WDR6: variants seen among roughly 807,000 people sequenced by gnomAD.
WDR6 encodes the protein tRNA (34-2'-O)-methyltransferase regulator WDR6.
A neutral mutation model predicts 85.6 loss-of-function variants in WDR6; 58 were observed. The observed-to-expected ratio is 0.68, with a 90% CI of 0.55 to 0.84. WDR6 has a LOEUF of 0.84. Ranked by LOEUF, WDR6 falls within the 40% of genes least tolerant of loss-of-function variation. The pLI is 0.00. For synonymous variants in WDR6, 569 were observed against 582.2 expected, an observed-to-expected ratio of 0.98 and a Z score of 0.33; for missense variants, 1,310 against 1,476.4, an observed-to-expected ratio of 0.89 and a Z score of 1.85.
At chr3:49,009,483 C>A (rs561214506) in intron 1 of WDR6, among the ~76,000 whole-genome samples, 1 of 152,148 alleles carries the variant, frequency 6.6e-6, no homozygotes, top group African/African-American at 2.4e-5. Flanking sequence ...AATCTTGCCT[C>A]GATTGACCTT....
At position 49,013,883 on chromosome 3, in the gene WDR6, G is replaced by C; in HGVS notation, c.2349G>C (p.Trp783Cys). 6.2e-7 allele frequency: 1 copy of C among 1,613,974 alleles called. No homozygotes were observed. Among genetic ancestry groups the C allele is most frequent in the Admixed American group, 1.7e-5 (1 of 60,020 alleles). Residue 783 changes from tryptophan (W) to cysteine (C), a missense_variant, in exon 2 of 6, where the codon TGG (tryptophan) becomes TGC (cysteine). Trp to Cys is a radical substitution (Grantham distance 215). Transcript: ENST00000608424. The surrounding 1 kb of genome is among the most constrained non-coding windows in gnomAD (Gnocchi z 4.6). ...HISSVRAVAVWGIGTPGGPQD... is the reference protein window; with the variant it reads ...HISSVRAVAVCGIGTPGGPQD... Reference sequence around the variant, plus strand: ...CCTCGGTACGTGCTGTGGCTGTGTGGGGCATTGGCACCCCAGGTGGCCCTC... The same window carrying C: ...CCTCGGTACGTGCTGTGGCTGTGTGCGGCATTGGCACCCCAGGTGGCCCTC...
Position 49,013,398 on chromosome 3 carries a change from G to C in WDR6, c.1864G>C (p.Val622Leu). 1.2e-6 allele frequency: 2 copies of C among 1,614,180 alleles called. No individual in the cohort carries two copies. The highest frequency in any genetic ancestry group is 1.7e-6 in the Non-Finnish European group (2 of 1,180,018). ...GAACTGGCTAGCTGGGCTCCGTATA[G>C]TGCCCGATGGGAGCATGGTTATCCT... ...GMNWLAGLRIVPDGSMVILGF... is the reference protein window; with the variant it reads ...GMNWLAGLRILPDGSMVILGF... Residue 622 changes from valine to leucine, a missense_variant, in exon 2 of 6, where the codon GTG becomes CTG. Transcript: ENST00000608424. This position sits in a 1 kb window ranked among gnomAD's most constrained non-coding sequence, Gnocchi z 4.6.
At position 49,012,625 on chromosome 3, in the gene WDR6, C is replaced by T. The variant is rs924551450; in HGVS notation, c.1091C>T (p.Ala364Val). ...VTLAGSWRLL[A>V]VTDTGALYLY... The stretch of plus-strand genomic sequence containing the variant: ...CTGGCTGGCTCTTGGCGACTGCTGG[C>T]AGTGACTGATACAGGGGCCCTGTAT... The change falls in exon 2 of 6, where the codon GCA becomes GTA. Residue 364 changes from alanine (A) to valine (V), a missense_variant. Ala to Val is a moderately conservative substitution (Grantham distance 64). Transcript: ENST00000608424. This position sits in a 1 kb window ranked among gnomAD's most constrained non-coding sequence, Gnocchi z 4.4. 2 of 1,614,082 alleles carry T rather than the reference C, an allele frequency of 1.2e-6. No individual in the cohort carries two copies. Among genetic ancestry groups the T allele is most frequent in the East Asian group, 2.2e-5 (1 of 44,874 alleles).
chr3:49,007,664 G>A lies in WDR6; in HGVS notation c.100+133G>A. On this transcript the variant is annotated intron_variant, in intron 1 of 5. Transcript: ENST00000608424. The surrounding 1 kb of genome is among the most constrained non-coding windows in gnomAD (Gnocchi z 5.1). The stretch of plus-strand genomic sequence containing the variant: ...GCAGGTTGAGGCCGATCGGAGGTGG[G>A]AAGGGAGCCCCGGAGATGGCGGGGA... 1 of 1,353,416 alleles carries A rather than the reference G, an allele frequency of 7.4e-7. No homozygotes were observed. Among genetic ancestry groups the A allele is most frequent in the Non-Finnish European group, 9.5e-7 (1 of 1,047,684 alleles). 83.8% of individuals were successfully genotyped at this position (1,353,416 alleles called of 1,614,324 possible).
intron 1 of WDR6, among the ~76,000 whole-genome samples, chr3:49,009,600 G>A (rs1480873506): frequency 1.3e-5 from 2 of 152,144 alleles, no homozygotes; most frequent in African/African-American, 2.4e-5. Flanking sequence ...ACAGCCGTAC[G>A]TGTCTCCAGC....
chr3:49,009,146 T>C (rs1383950846), intron 1 of WDR6: 1 of 152,206 alleles, frequency 6.6e-6, no homozygotes, highest in East Asian at 1.9e-4. Context: ...CCCCCCAAAT[T>C]GCTGGAATTA....
At position 49,011,860 on chromosome 3, in the gene WDR6, G is replaced by A. The variant is rs139152434; in HGVS notation, c.326G>A (p.Arg109His). ...CAGGGCCACTTCTGGGAGCTTTGGC[G>A]CTCTGGCCTGTGGAACATGTCTGAC... ...WGQGHFWELW[R>H]SGLWNMSDWI... is the part of the protein sequence containing the mutation. Residue 109 changes from arginine to histidine, a missense_variant, in exon 2 of 6, where the codon CGC (arginine) becomes CAC (histidine). Physicochemically the swap from Arg to His is conservative, Grantham distance 29 (BLOSUM62 0). Transcript: ENST00000608424. The A allele has an allele frequency of 1.2e-5, 20 of 1,614,124 alleles. No individual in the cohort carries two copies. Among genetic ancestry groups the A allele is most frequent in the African/African-American group, 4.0e-5 (3 of 74,946 alleles).
rs745955419 is a variant in WDR6, at chr3:49,011,729, C to T, written c.195C>T (p.Ile65=). 8 of 1,614,076 alleles carry T rather than the reference C, an allele frequency of 5.0e-6. No homozygotes were observed. The highest frequency in any genetic ancestry group is 5.9e-6 in the Non-Finnish European group (7 of 1,180,046). The change falls in exon 2 of 6, where the codon ATC becomes ATT. Residue 65 remains isoleucine (I), a synonymous_variant. Coordinates refer to ENST00000608424, the MANE Select transcript of WDR6 (RefSeq NM_018031.6). Reference sequence around the variant, plus strand: ...AGAACCTGCTTGGCCACTATCTTATCCATGGCTTCCGGGTACGGCCAGAGC... The same window carrying T: ...AGAACCTGCTTGGCCACTATCTTATTCATGGCTTCCGGGTACGGCCAGAGC... ...RVQNLLGHYL[I]HGFRVRPEPN...
In WDR6 at chr3:49,013,153, C is replaced by T. The variant is rs1251310902; in HGVS notation, c.1619C>T (p.Ala540Val). 3 of 1,609,100 alleles carry T rather than the reference C, an allele frequency of 1.9e-6. No homozygotes were observed. The highest frequency in any genetic ancestry group is 2.5e-6 in the Non-Finnish European group (3 of 1,176,824). ...VGGKARAGAG[A>V]PVVGSGSSGG... ...GGCAAGGCTCGGGCTGGTGCTGGGG[C>T]ACCTGTAGTGGGTAGTGGTAGTAGT... Residue 540 changes from alanine (A) to valine (V), a missense_variant, in exon 2 of 6, where the codon GCA becomes GTA. Coordinates refer to ENST00000608424, the MANE Select transcript of WDR6 (RefSeq NM_018031.6). The surrounding 1 kb of genome is among the most constrained non-coding windows in gnomAD (Gnocchi z 4.6).
At position 49,014,771 on chromosome 3, in the gene WDR6, C is replaced by G; in HGVS notation, c.2902+53C>G. The G allele has an allele frequency of 6.2e-7, 1 of 1,608,476 alleles. No individual in the cohort carries two copies. The stretch of plus-strand genomic sequence containing the variant: ...ACCCCTCCTCACCTGTCACATAGCC[C>G]TCACACATGTGGCAGGCGGGGCCCT... On this transcript the variant is annotated intron_variant, in intron 5 of 5. Coordinates refer to ENST00000608424, the MANE Select transcript of WDR6 (RefSeq NM_018031.6). This position sits in a 1 kb window ranked among gnomAD's most constrained non-coding sequence, Gnocchi z 4.9.
chr3:49,013,026 G>A lies in WDR6; in HGVS notation c.1492G>A (p.Ala498Thr). Residue 498 changes from alanine to threonine, a missense_variant, in exon 2 of 6, where the codon GCC becomes ACC. Transcript: ENST00000608424. The surrounding 1 kb of genome is among the most constrained non-coding windows in gnomAD (Gnocchi z 4.6). ...CAAGCAGAGATGGCACACATGCAGT[G>A]CCTTCCTACCCCCAGGTGACTTCCT... ...PSKQRWHTCSAFLPPGDFLVC... is the reference protein window; with the variant it reads ...PSKQRWHTCSTFLPPGDFLVC... The A allele has an allele frequency of 1.2e-6, 2 of 1,613,148 alleles. No individual in the cohort carries two copies. Among genetic ancestry groups the A allele is most frequent in the Non-Finnish European group, 1.7e-6 (2 of 1,179,406 alleles).
At chr3:49,011,281 G>A (rs1285662265) in intron 1 of WDR6, 1 of 438,942 alleles carries the variant, frequency 2.3e-6, no homozygotes, top group African/African-American at 2.1e-5. Flanking sequence ...TTTTCACCTT[G>A]TTGGCCAGGC....
Position 49,015,773 on chromosome 3 carries a change from C to T in WDR6, c.*485C>T, listed in dbSNP as rs1300370546. 3 of 1,613,996 alleles carry T rather than the reference C, an allele frequency of 1.9e-6. No individual in the cohort carries two copies. In the African/African-American group the frequency reaches 4.0e-5, roughly 22 times the overall value. On this transcript the variant is annotated 3_prime_UTR_variant, in exon 6 of 6. Transcript: ENST00000608424. ...TTTGCCTTTACCCTATACCTCTCTG[C>T]ACGTCCCACCCCATTTTGCTGTGTG...
In WDR6 at chr3:49,013,980, A is replaced by G. The variant is rs774480049; in HGVS notation, c.2446A>G (p.Ile816Val). The G allele has an allele frequency of 5.6e-6, 9 of 1,611,840 alleles. No individual in the cohort carries two copies. Among genetic ancestry groups the G allele is most frequent in the Non-Finnish European group, 7.6e-6 (9 of 1,179,968 alleles). ...GCGGGCTGAGATGCACTGCTTCAGC[A>G]TCATGGTTACTCCGGACCCCAGCAC... The part of the protein sequence containing the change: ...GGRAEMHCFS[I>V]MVTPDPSTPS... The change falls in exon 2 of 6, where the codon ATC becomes GTC. Residue 816 changes from isoleucine (I) to valine (V), a missense_variant. Transcript: ENST00000608424. This position sits in a 1 kb window ranked among gnomAD's most constrained non-coding sequence, Gnocchi z 4.6.
chr3:49,014,464 C>T lies in WDR6; in HGVS notation c.2748C>T (p.Val916=), dbSNP rs1447999898. Residue 916 remains valine, a synonymous_variant, in exon 4 of 6, where the codon GTC becomes GTT. Transcript: ENST00000608424. This position sits in a 1 kb window ranked among gnomAD's most constrained non-coding sequence, Gnocchi z 4.9. ...ACCATAAGCGATGTGTCCTCAAGGT[C>T]CACTCCTTTACACACGAGGCACCCA... The part of the protein sequence containing the change: ...TFHHKRCVLK[V]HSFTHEAPNQ... 6.2e-7 allele frequency: 1 copy of T among 1,614,098 alleles called. No individual in the cohort carries two copies. The highest frequency in any genetic ancestry group is 8.5e-7 in the Non-Finnish European group (1 of 1,180,016).
In WDR6 at chr3:49,013,230, C is replaced by G; in HGVS notation, c.1696C>G (p.Leu566Val). The change falls in exon 2 of 6, where the codon CTG (leucine) becomes GTG (valine). Residue 566 changes from leucine (L) to valine (V), a missense_variant. Physicochemically the swap from Leu to Val is conservative, Grantham distance 32 (BLOSUM62 1). Coordinates refer to ENST00000608424, the MANE Select transcript of WDR6 (RefSeq NM_018031.6). The surrounding 1 kb of genome is among the most constrained non-coding windows in gnomAD (Gnocchi z 4.6). ...GLGPVSTLPS[L>V]HGKQGVTSVT... is the part of the protein sequence containing the mutation. ...GGGCCCAGTGTCTACCCTGCCCTCT[C>G]TGCACGGGAAGCAGGGTGTGACCTC... The G allele has an allele frequency of 6.2e-7, 1 of 1,614,028 alleles. No homozygotes were observed. The highest frequency in any genetic ancestry group is 1.1e-5 in the South Asian group (1 of 91,082).
At chr3:49,011,466 C>T in intron 1 of WDR6, 169 bp from the exon 2 acceptor site, 2 of 1,592,400 alleles carry the variant, frequency 1.3e-6, no homozygotes, top group Non-Finnish European at 1.7e-6. Flanking sequence ...AGGCGTGAGC[C>T]ACCGCACCCG....
At position 49,015,122 on chromosome 3, in the gene WDR6, G is replaced by A. The variant is rs189612088; in HGVS notation, c.3200G>A (p.Arg1067Gln). 5.6e-6 allele frequency: 9 copies of A among 1,613,996 alleles called. No homozygotes were observed. The East Asian group carries it at 8.9e-5, about 16-fold the overall frequency. ...SIMVSASIDQ[R>Q]LTFWRLGHGE... Reference sequence around the variant, plus strand: ...ATGGTCTCAGCCTCCATTGATCAACGGCTGACCTTCTGGCGTCTGGGGCAT... The same window carrying A: ...ATGGTCTCAGCCTCCATTGATCAACAGCTGACCTTCTGGCGTCTGGGGCAT... The change falls in exon 6 of 6, where the codon CGG (arginine) becomes CAG (glutamine). Residue 1067 changes from arginine (R) to glutamine (Q), a missense_variant. Arg to Gln is a conservative substitution (Grantham distance 43). Transcript: ENST00000608424.
In WDR6 at chr3:49,013,758, A is replaced by G. The variant is rs979748993; in HGVS notation, c.2224A>G (p.Ile742Val). The G allele has an allele frequency of 3.1e-6, 5 of 1,614,048 alleles. No homozygotes were observed. The highest frequency in any genetic ancestry group is 4.2e-6 in the Non-Finnish European group (5 of 1,179,978). Reference protein sequence around the residue: ...PGSEGPDLTDIVITCSEDTTV... With the variant: ...PGSEGPDLTDVVITCSEDTTV... The stretch of plus-strand genomic sequence containing the variant: ...CAGTGAGGGGCCCGACTTGACTGAC[A>G]TTGTGATCACATGTAGTGAGGACAC... Residue 742 changes from isoleucine (I) to valine (V), a missense_variant, in exon 2 of 6, where the codon ATT becomes GTT. Ile to Val is a conservative substitution (Grantham distance 29). Transcript: ENST00000608424. This position sits in a 1 kb window ranked among gnomAD's most constrained non-coding sequence, Gnocchi z 4.6.
Sources: gnomAD v4.1 joint callset for allele counts (sites outside exome capture counted in the v4.1 genomes callset) on GRCh38, gnomAD v4.1.1 for gene constraint, Gnocchi (gnomAD v3.1) non-coding constraint, MANE v1.5 for transcripts, NCBI Gene and HGNC (gene_info 2026-07-23, HGNC 2026-07-21) for gene names.